The following EYA3 variants were observed in gnomAD, a reference collection of about 807,000 sequenced individuals.
The protein encoded by EYA3 is EYA transcriptional coactivator and phosphatase 3.
EYA3 carries 39 observed loss-of-function variants against 80.0 expected under a neutral mutation model. The observed-to-expected ratio is 0.49, with a 90% CI of 0.38 to 0.64. EYA3 has a LOEUF of 0.64. Ranked by LOEUF, EYA3 falls within the 30% of genes least tolerant of loss-of-function variation. The probability of loss-of-function intolerance (pLI) is 0.00; values close to 1 mark genes in which losing one functional copy is unlikely to be tolerated. For synonymous variants in EYA3, 206 were observed against 232.8 expected, an observed-to-expected ratio of 0.88 and a Z score of 1.05; for missense variants, 523 against 676.1, an observed-to-expected ratio of 0.77 and a Z score of 2.51.
chr1:28,047,221 C>T (rs1391631846), intron 3 of EYA3, among the ~76,000 whole-genome samples: 1 of 151,950 alleles, frequency 6.6e-6, no homozygotes, highest in East Asian at 1.9e-4. Context: ...TAACCTCCGC[C>T]TCGTGGGTTC....
chr1:28,071,861 A>G (rs772265068), intron 1 of EYA3, among the ~76,000 whole-genome samples: 2 of 152,256 alleles, frequency 1.3e-5, no homozygotes, highest in Non-Finnish European at 2.9e-5. Context: ...ATAAAAGCTC[A>G]GCTAATTTAA....
At chr1:27,993,362 A>G in intron 14 of EYA3, 38 bp downstream of exon 14, 1 of 1,588,834 alleles carries the variant, frequency 6.3e-7, no homozygotes, top group Non-Finnish European at 8.5e-7. Flanking sequence ...GAAACCAGGA[A>G]GAAACAGAGA....
chr1:28,017,839 A>C (rs1184844936), intron 7 of EYA3, among the ~76,000 whole-genome samples: 1 of 152,218 alleles, frequency 6.6e-6, no homozygotes, highest in African/African-American at 2.4e-5. Flanking sequence ...GGAAAAACTC[A>C]GAAAATATTA....
At chr1:27,976,074 A>G (rs531523647) in intron 17 of EYA3, among the ~76,000 whole-genome samples, 1 of 152,216 alleles carries the variant, frequency 6.6e-6, no homozygotes, top group East Asian at 1.9e-4. Context: ...TTTGGCATAT[A>G]CCCTAGTTGT....
intron 16 of EYA3, among the ~76,000 whole-genome samples, chr1:27,978,816 G>T (rs979118442): frequency 6.6e-6 from 1 of 152,172 alleles, no homozygotes; most frequent in Non-Finnish European, 1.5e-5. Context: ...AACAAAATTA[G>T]CTGGGCATGG....
At chr1:28,063,476 C>T (rs2148911744) in intron 1 of EYA3, among the ~76,000 whole-genome samples, 1 of 151,022 alleles carries the variant, frequency 6.6e-6, no homozygotes, top group South Asian at 2.1e-4. Flanking sequence ...CATGCCTCAG[C>T]CTCCCAGGTA....
At chr1:28,036,500 G>C (rs1451233510) in intron 5 of EYA3, among the ~76,000 whole-genome samples, 2 of 152,202 alleles carry the variant, frequency 1.3e-5, no homozygotes, top group Non-Finnish European at 2.9e-5. Context: ...AACGGAAGTA[G>C]AGATGGGTTC....
At chr1:28,076,696 G>GAA (rs71027261) in intron 1 of EYA3, among the ~76,000 whole-genome samples, 26 of 121,486 alleles carry the variant, frequency 2.1e-4, no homozygotes, top group Admixed American at 5.2e-4. Context: ...AGAAAGAAAA[G>GAA]AAAAAAAATG....
intron 1 of EYA3, among the ~76,000 whole-genome samples, chr1:28,068,018 C>T: frequency 6.6e-6 from 1 of 152,172 alleles, no homozygotes; most frequent in African/African-American, 2.4e-5. Flanking sequence ...AGTTTTTTGT[C>T]CTCTTTATGT....
chr1:27,992,884 G>T (rs531383904), intron 14 of EYA3, among the ~76,000 whole-genome samples: 2 of 152,110 alleles, frequency 1.3e-5, no homozygotes, highest in Non-Finnish European at 1.5e-5. Flanking sequence ...CTAAATAATA[G>T]AATTTTAGGC....
chr1:27,978,305 G>A (rs746161975), intron 17 of EYA3, 69 bp downstream of exon 17: 32 of 1,093,670 alleles, frequency 2.9e-5, no homozygotes, highest in African/African-American at 4.7e-5. Flanking sequence ...CTAAGATTTT[G>A]TAGTTTTTCC....
chr1:28,049,591 A>G (rs1279869468), intron 2 of EYA3, among the ~76,000 whole-genome samples: 1 of 152,214 alleles, frequency 6.6e-6, no homozygotes, highest in Non-Finnish European at 1.5e-5. Flanking sequence ...AAAAGACACC[A>G]TAAAACAACC....
chr1:27,982,641 G>T (rs976035449), intron 16 of EYA3, among the ~76,000 whole-genome samples: 3 of 151,874 alleles, frequency 2.0e-5, no homozygotes, highest in African/African-American at 4.8e-5. Flanking sequence ...TGTCCAGGCT[G>T]GAGTGCAGTG....
chr1:27,997,417 T>C (rs1332124436), intron 12 of EYA3, 39 bp from the exon 13 acceptor site: 5 of 1,526,410 alleles, frequency 3.3e-6, no homozygotes, highest in South Asian at 1.1e-5. Context: ...GTCCAGGGAG[T>C]AGAAGTGATA....
In EYA3 at chr1:28,013,160, C is replaced by T. The variant is rs771965110; in HGVS notation, c.720G>A (p.Glu240=). 51 of 1,613,938 alleles carry T rather than the reference C, an allele frequency of 3.2e-5. No individual in the cohort carries two copies. The highest frequency in any genetic ancestry group is 4.1e-5 in the Non-Finnish European group (48 of 1,180,006). ...TTLAATTYQS[E]KPSVMAPAPA... ...GTGCAGGCGCCATGACACTAGGCTTCTCCGACTGGTATGTGGTTGCTGCTA... is the reference window on the plus strand; with the variant it reads ...GTGCAGGCGCCATGACACTAGGCTTTTCCGACTGGTATGTGGTTGCTGCTA... Residue 240 remains glutamate (E), a synonymous_variant, in exon 9 of 18, where the codon GAG becomes GAA. Coordinates refer to ENST00000373871, the MANE Select transcript of EYA3 (RefSeq NM_001990.4). The surrounding 1 kb of genome is among the most constrained non-coding windows in gnomAD (Gnocchi z 4.0).
In EYA3 at chr1:27,989,598, C is replaced by A. The variant is rs1387123796; in HGVS notation, c.1418+99G>T. Reference sequence around the variant, plus strand: ...CCTACATCATTTAAACTCCTCTCTACCCCTATCCCAAACCCTATTTTAGAG... The same window carrying A: ...CCTACATCATTTAAACTCCTCTCTAACCCTATCCCAAACCCTATTTTAGAG... On this transcript the variant is annotated intron_variant, in intron 15 of 17. Coordinates refer to ENST00000373871, the MANE Select transcript of EYA3 (RefSeq NM_001990.4). The A allele has an allele frequency of 4.3e-6, 3 of 695,708 alleles. No homozygotes were observed. In the East Asian group the frequency reaches 8.7e-5, roughly 20 times the overall value. The allele number at this position is 695,708 out of a possible 1,614,324, so 43.1% of individuals were successfully genotyped here. A position where few individuals can be genotyped will look rare whatever the true frequency, so the allele number is the denominator to read the frequency against.
At position 27,996,110 on chromosome 1, in the gene EYA3, T is replaced by G. The variant is rs145536863; in HGVS notation, c.1142+1210A>C. 1.4e-3 allele frequency among the ~76,000 whole-genome samples: 218 copies of G among 152,290 alleles called. 2 individuals carry two copies. The highest frequency in any genetic ancestry group is 5.0e-3 in the African/African-American group (208 of 41,558). On this transcript the variant is annotated intron_variant, in intron 13 of 17. Coordinates refer to ENST00000373871, the MANE Select transcript of EYA3 (RefSeq NM_001990.4). The stretch of plus-strand genomic sequence containing the variant: ...CTAGTCTCGAACTCCTGACCTCAAG[T>G]GATTGGCCCGCACTGGCCTCCTGAA...
At chr1:28,075,783 A>G (rs1293889640) in intron 1 of EYA3, among the ~76,000 whole-genome samples, 1 of 152,164 alleles carries the variant, frequency 6.6e-6, no homozygotes, top group African/African-American at 2.4e-5. Flanking sequence ...AAACTTCTAC[A>G]TATACTTTTC....
chr1:27,993,401 A>C lies in EYA3; in HGVS notation c.1302T>G (p.Gly434=). Residue 434 remains glycine, a splice_region_variant and synonymous_variant, in exon 14 of 18, where the codon GGT becomes GGG. Transcript: ENST00000373871. ...EIYDKHKSNV[G]GLLSPQRKEA... The stretch of plus-strand genomic sequence containing the variant: ...AGACTGGTTATATGCCACACTTACC[A>C]CCCACGTTGCTTTTATGCTTATCAT... 1 of 1,612,778 alleles carries C rather than the reference A, an allele frequency of 6.2e-7. No individual in the cohort carries two copies. Among genetic ancestry groups the C allele is most frequent in the Non-Finnish European group, 8.5e-7 (1 of 1,179,528 alleles).
Sources: gnomAD v4.1 joint callset for allele counts (sites outside exome capture counted in the v4.1 genomes callset) on GRCh38, gnomAD v4.1.1 for gene constraint, Gnocchi (gnomAD v3.1) non-coding constraint, MANE v1.5 for transcripts, NCBI Gene and HGNC (gene_info 2026-07-23, HGNC 2026-07-21) for gene names.